Variants in HS2ST1 observed in about 807,000 individuals in gnomAD.
HS2ST1 encodes heparan sulfate 2-O-sulfotransferase 1.
Under a neutral mutation model 42.9 loss-of-function variants are expected in HS2ST1, and 18 were observed. That is an observed-to-expected ratio of 0.42 (90% CI 0.29 to 0.62). HS2ST1 has a LOEUF of 0.62. Among genes scored for constraint, HS2ST1 ranks in the 20% least tolerant of loss-of-function variants. HS2ST1 has a pLI of 0.21. For synonymous variants in HS2ST1, 146 were observed against 152.9 expected (o/e 0.95, Z 0.33); for missense variants, 334 against 433.8 (o/e 0.77, Z 2.04).
At chr1:87,053,592 A>C (rs1650885616) in intron 1 of HS2ST1, among the ~76,000 whole-genome samples, 1 of 152,188 alleles carries the variant, frequency 6.6e-6, no homozygotes, top group Non-Finnish European at 1.5e-5. Context: ...AGTTAAATGC[A>C]TTCTTAGTAG....
intron 1 of HS2ST1, among the ~76,000 whole-genome samples, chr1:86,990,966 G>T (rs1018587230): frequency 6.8e-6 from 1 of 148,090 alleles, no homozygotes; most frequent in Admixed American, 6.8e-5. Flanking sequence ...AGGCCTGAGT[G>T]CCCAGCTGGA....
At chr1:86,934,094 C>A (rs1355612183) in intron 1 of HS2ST1, among the ~76,000 whole-genome samples, 21 of 152,134 alleles carry the variant, frequency 1.4e-4, no homozygotes, top group Non-Finnish European at 1.0e-4. Flanking sequence ...CTCCTGCAAC[C>A]TTTACCTCCC....
chr1:86,993,197 C>A, intron 1 of HS2ST1: 1 of 1,522,448 alleles, frequency 6.6e-7, no homozygotes, highest in Non-Finnish European at 8.9e-7. Context: ...CTTTTAAATC[C>A]CCTGTGATAA....
Position 86,974,749 on chromosome 1 carries a change from T to G in HS2ST1, c.124+59589T>G, listed in dbSNP as rs186200158. 3.3e-5 allele frequency among the ~76,000 whole-genome samples: 5 copies of G among 152,262 alleles called. No homozygotes were observed. The East Asian group carries it at 5.8e-4, about 18-fold the overall frequency. ...TGCTTGGTATGGAAAACCCACACAT[T>G]AAGACCCACTGGTGTTTCTGTGTGA... On this transcript the variant is annotated intron_variant, in intron 1 of 6. Coordinates refer to ENST00000370550, the MANE Select transcript of HS2ST1 (RefSeq NM_012262.4).
intron 1 of HS2ST1, among the ~76,000 whole-genome samples, chr1:86,951,155 G>T (rs1647502059): frequency 6.6e-6 from 1 of 152,128 alleles, no homozygotes; most frequent in South Asian, 2.1e-4. Context: ...GGCAAATTGG[G>T]AATGCATATG....
At position 87,105,756 on chromosome 1, in the gene HS2ST1, GT is replaced by G. The variant is rs1652312934; in HGVS notation, c.*1062del. The stretch of plus-strand genomic sequence containing the variant: ...GTCAAGTAAAACCATCAGACCTACT[GT>G]TCTTGTATTTCTCATTTAACTTTAC... On this transcript the variant is annotated 3_prime_UTR_variant, in exon 7 of 7. Transcript: ENST00000370550. The G allele has an allele frequency of 6.6e-6, 1 of 152,484 alleles. No individual in the cohort carries two copies. Among genetic ancestry groups the G allele is most frequent in the Admixed American group, 6.6e-5 (1 of 15,258 alleles). The allele number at this position is 152,484 out of a possible 1,614,324, so 9.4% of individuals were successfully genotyped here.
intron 1 of HS2ST1, among the ~76,000 whole-genome samples, chr1:86,984,999 G>A (rs1288068783): frequency 6.6e-6 from 1 of 151,444 alleles, no homozygotes; most frequent in Admixed American, 6.6e-5. Context: ...TATCCTGTTA[G>A]CATTTATAGG....
intron 1 of HS2ST1, among the ~76,000 whole-genome samples, chr1:86,915,396 C>T (rs1660124922): frequency 6.6e-6 from 1 of 152,138 alleles, no homozygotes; most frequent in Admixed American, 6.5e-5. Flanking sequence ...GGTTGGGCTT[C>T]CCTAGCCAAA....
Position 87,104,453 on chromosome 1 carries a change from T to C in HS2ST1, c.845-17T>C, listed in dbSNP as rs772530433. 6.6e-7 allele frequency: 1 copy of C among 1,505,708 alleles called. No homozygotes were observed. The highest frequency in any genetic ancestry group is 1.4e-5 in the African/African-American group (1 of 72,034). The allele number at this position is 1,505,708 out of a possible 1,614,324, so 93.3% of individuals were successfully genotyped here. A position where few individuals can be genotyped will look rare whatever the true frequency, so the allele number is the denominator to read the frequency against. On this transcript the variant is annotated splice_polypyrimidine_tract_variant and intron_variant, in intron 6 of 6. Coordinates refer to ENST00000370550, the MANE Select transcript of HS2ST1 (RefSeq NM_012262.4). Reference sequence around the variant, plus strand: ...AAGAATTATTTACCTTTCCTTTTTTTCCCCCTTTGTAAGTAGGAAAGAAAT... The same window carrying C: ...AAGAATTATTTACCTTTCCTTTTTTCCCCCCTTTGTAAGTAGGAAAGAAAT...
intron 1 of HS2ST1, among the ~76,000 whole-genome samples, chr1:87,058,301 G>A (rs1194675481): frequency 4.0e-5 from 6 of 151,590 alleles, no homozygotes; most frequent in African/African-American, 7.3e-5. Flanking sequence ...TTGAAAGCCC[G>A]TTCTCTCTTG....
At chr1:86,921,330 G>GT (rs1479361612) in intron 1 of HS2ST1, among the ~76,000 whole-genome samples, 3 of 152,102 alleles carry the variant, frequency 2.0e-5, no homozygotes, top group Non-Finnish European at 4.4e-5. Context: ...TTGAAGTGCT[G>GT]TGATTAAGTA....
intron 1 of HS2ST1, among the ~76,000 whole-genome samples, chr1:86,965,747 T>C (rs183059316): frequency 1.8e-4 from 28 of 152,280 alleles, no homozygotes; most frequent in Admixed American, 7.8e-4. Context: ...TACTTAGATA[T>C]AGTCCTCACA....
intron 2 of HS2ST1, among the ~76,000 whole-genome samples, chr1:87,083,942 G>A (rs1651754502): frequency 6.6e-6 from 1 of 152,068 alleles, no homozygotes; most frequent in African/African-American, 2.4e-5. Flanking sequence ...CTACAGCATT[G>A]TAAAGGATTT....
intron 1 of HS2ST1, among the ~76,000 whole-genome samples, chr1:86,971,392 C>T (rs1267191127): frequency 1.3e-5 from 2 of 152,120 alleles, no homozygotes; most frequent in South Asian, 2.1e-4. Flanking sequence ...TCCAATAAAA[C>T]GGACCACCTC....
chr1:86,949,523 T>C (rs1473275042), intron 1 of HS2ST1, among the ~76,000 whole-genome samples: 5 of 152,144 alleles, frequency 3.3e-5, no homozygotes, highest in Non-Finnish European at 7.4e-5. Flanking sequence ...TGAGCTGAGA[T>C]AGAGCCACTG....
chr1:86,955,446 G>A (rs1010110806), intron 1 of HS2ST1, among the ~76,000 whole-genome samples: 5 of 152,008 alleles, frequency 3.3e-5, no homozygotes, highest in Admixed American at 3.3e-4. Flanking sequence ...TTTTTATCCC[G>A]AAACCATTCC....
intron 1 of HS2ST1, among the ~76,000 whole-genome samples, chr1:86,940,994 G>GA (rs779184869): frequency 4.4e-4 from 67 of 151,934 alleles, no homozygotes; most frequent in Non-Finnish European, 8.4e-4. Flanking sequence ...CTCAAAAAAA[G>GA]AAAAAACACA....
intron 2 of HS2ST1, among the ~76,000 whole-genome samples, chr1:87,077,668 C>T (rs1651579889): frequency 6.6e-6 from 1 of 152,170 alleles, no homozygotes; most frequent in South Asian, 2.1e-4. Context: ...CCTTGTCTGT[C>T]TTGTTCACTA....
intron 2 of HS2ST1, among the ~76,000 whole-genome samples, chr1:87,080,458 AT>A (rs1205464896): frequency 6.6e-6 from 1 of 152,108 alleles, no homozygotes; most frequent in East Asian, 1.9e-4. Flanking sequence ...AGAAGTTGAG[AT>A]TTTCAGTGTC....
Sources: allele counts gnomAD v4.1 joint callset (sites outside exome capture counted in the v4.1 genomes callset), GRCh38; gene constraint gnomAD v4.1.1; transcripts MANE v1.5; gene names NCBI Gene and HGNC (gene_info 2026-07-23, HGNC 2026-07-21).